The following CHN1 variants were observed in gnomAD, a reference collection of about 807,000 sequenced individuals.
The protein encoded by CHN1 is chimerin 1, also known as N-chimaerin.
A neutral mutation model predicts 59.5 loss-of-function variants in CHN1; 37 were observed. That is an observed-to-expected ratio of 0.62 (90% confidence interval 0.48 to 0.82). The LOEUF (loss-of-function observed/expected upper bound fraction) is 0.82, where lower values mean the gene tolerates loss of function less well. CHN1 is among the 40% of genes least tolerant of loss of function. The probability of loss-of-function intolerance (pLI) is 0.00; values close to 1 mark genes in which losing one functional copy is unlikely to be tolerated. For missense variants in CHN1, 469 were observed against 571.0 expected (o/e 0.82, Z 1.82); for synonymous variants, 206 against 200.4 (o/e 1.03, Z -0.24).
At chr2:174,926,762 A>ATT (rs879446616) in intron 3 of CHN1, among the ~76,000 whole-genome samples, 1 of 140,254 alleles carries the variant, frequency 7.1e-6, no homozygotes. Context: ...TACCCACACC[A>ATT]TTTTTTTTTT....
intron 6 of CHN1, chr2:174,847,632 A>AG (rs1686572189): frequency 7.6e-7 from 1 of 1,321,942 alleles, no homozygotes; most frequent in Non-Finnish European, 1.0e-6. Flanking sequence ...TTCACAAGGA[A>AG]GGCTGCATTA....
At chr2:174,855,690 T>C (rs1210246512) in intron 6 of CHN1, among the ~76,000 whole-genome samples, 1 of 152,166 alleles carries the variant, frequency 6.6e-6, no homozygotes, top group African/African-American at 2.4e-5. Context: ...GCTTTACATG[T>C]ATGATAAAGT....
At chr2:174,837,187 T>A (rs955373431) in intron 7 of CHN1, 1 of 152,106 alleles carries the variant, frequency 6.6e-6, no homozygotes, top group African/African-American at 2.4e-5. Context: ...TGCGGAGTAA[T>A]GAGCTGTAAC....
At chr2:174,976,301 G>A (rs1192758080) in intron 1 of CHN1, among the ~76,000 whole-genome samples, 2 of 151,710 alleles carry the variant, frequency 1.3e-5, no homozygotes, top group Non-Finnish European at 1.5e-5. Flanking sequence ...GCAGTGGCAC[G>A]ATCTCGGCTC....
chr2:174,859,388 A>G (rs1336770666), intron 6 of CHN1, among the ~76,000 whole-genome samples: 1 of 152,092 alleles, frequency 6.6e-6, no homozygotes, highest in Non-Finnish European at 1.5e-5. Context: ...GGACTCAGAA[A>G]CCTCTTCCAG....
chr2:174,909,756 T>C (rs1363300232), intron 5 of CHN1, among the ~76,000 whole-genome samples: 2 of 152,214 alleles, frequency 1.3e-5, no homozygotes, highest in Non-Finnish European at 2.9e-5. Flanking sequence ...AAATAACTTA[T>C]GTCTAAGTGA....
At chr2:174,939,794 T>A (rs1286232546) in intron 3 of CHN1, among the ~76,000 whole-genome samples, 1 of 152,068 alleles carries the variant, frequency 6.6e-6, no homozygotes, top group Non-Finnish European at 1.5e-5. Context: ...AAGTACCTCA[T>A]ACTTAATTCT....
chr2:174,888,280 A>G (rs1687948232), intron 5 of CHN1, among the ~76,000 whole-genome samples: 1 of 152,202 alleles, frequency 6.6e-6, no homozygotes, highest in South Asian at 2.1e-4. Context: ...GTCAATCTGC[A>G]TCTTGGAGAA....
At chr2:174,859,050 T>C (rs1411777582) in intron 6 of CHN1, among the ~76,000 whole-genome samples, 1 of 147,664 alleles carries the variant, frequency 6.8e-6, no homozygotes, top group African/African-American at 2.6e-5. Context: ...TAAAGTAAGA[T>C]AGCAATTGAA....
At position 174,950,194 on chromosome 2, in the gene CHN1, G is replaced by C. The variant is rs145417434; in HGVS notation, c.58+1970C>G. ...GCCCAGGGGGTCAAGGCTGTAGCGT[G>C]CCAAGATTGCGCCACTGCACACCAG... On this transcript the variant is annotated intron_variant, in intron 2 of 12. Transcript: ENST00000409900. Among the ~76,000 whole-genome samples the C allele has an allele frequency of 3.9e-5, 6 of 152,050 alleles. No homozygotes were observed. In the East Asian group the frequency reaches 1.2e-3, roughly 29 times the overall value.
intron 1 of CHN1, among the ~76,000 whole-genome samples, chr2:174,988,207 A>C (rs1300734971): frequency 6.6e-6 from 1 of 151,910 alleles, no homozygotes; most frequent in Non-Finnish European, 1.5e-5. Context: ...AAATACAAAA[A>C]TTAGCCGGGC....
intron 2 of CHN1, among the ~76,000 whole-genome samples, chr2:174,949,168 T>A (rs1286097822): frequency 6.7e-6 from 1 of 150,040 alleles, no homozygotes; most frequent in African/African-American, 2.5e-5. Flanking sequence ...CTGAAGATTA[T>A]TTAGAGCTGG....
At chr2:174,983,556 A>C (rs1319196879) in intron 1 of CHN1, among the ~76,000 whole-genome samples, 1 of 152,102 alleles carries the variant, frequency 6.6e-6, no homozygotes, top group Admixed American at 6.6e-5. Context: ...ACGGCCGGGC[A>C]CGGTGGCTCA....
chr2:174,895,684 A>T (rs1181089850), intron 5 of CHN1, among the ~76,000 whole-genome samples: 1 of 152,194 alleles, frequency 6.6e-6, no homozygotes, highest in Non-Finnish European at 1.5e-5. Context: ...AGACAACAGA[A>T]GTAATTATTA....
Position 174,920,388 on chromosome 2 carries a change from G to A in CHN1, c.115-1823C>T, listed in dbSNP as rs146045501. Among the ~76,000 whole-genome samples the A allele has an allele frequency of 4.6e-5, 7 of 152,250 alleles. 1 individual carries two copies. The highest frequency in any genetic ancestry group is 1.4e-4 in the African/African-American group (6 of 41,552). ...AATCATGGTAGTGGAGAAACTGAGC[G>A]TCGGAGAGATTACGTAACTTATTCA... On this transcript the variant is annotated intron_variant, in intron 3 of 12. Transcript: ENST00000409900.
intron 12 of CHN1, 151 bp downstream of exon 12, chr2:174,801,556 T>G: frequency 1.8e-6 from 1 of 552,416 alleles, no homozygotes; most frequent in South Asian, 2.3e-5. Context: ...TAGCATTCCT[T>G]CTCAACTAGT....
intron 6 of CHN1, among the ~76,000 whole-genome samples, chr2:174,862,384 G>A (rs1687095029): frequency 1.3e-5 from 2 of 151,318 alleles, no homozygotes; most frequent in Admixed American, 1.3e-4. Context: ...CCAGGCTGGA[G>A]TACAGTGGCG....
chr2:174,997,245 G>T (rs1319980387), intron 1 of CHN1, among the ~76,000 whole-genome samples: 1 of 152,056 alleles, frequency 6.6e-6, no homozygotes, highest in African/African-American at 2.4e-5. Flanking sequence ...CTCACTTAAC[G>T]GTATCATCCA....
intron 5 of CHN1, among the ~76,000 whole-genome samples, chr2:174,911,655 ACTT>A (rs1415112244): frequency 3.9e-5 from 6 of 152,170 alleles, no homozygotes; most frequent in Non-Finnish European, 7.4e-5. Context: ...CATGGTGAAA[ACTT>A]CTTTTCTGAC....
Sources: allele counts gnomAD v4.1 joint callset (sites outside exome capture counted in the v4.1 genomes callset), GRCh38; gene constraint gnomAD v4.1.1; transcripts MANE v1.5; gene names NCBI Gene and HGNC (gene_info 2026-07-23, HGNC 2026-07-21).